CHRM3: variants seen among roughly 807,000 people sequenced by gnomAD.
The protein encoded by CHRM3 is muscarinic acetylcholine receptor M3.
A neutral mutation model predicts 41.8 loss-of-function variants in CHRM3; 11 were observed. That is an observed-to-expected ratio of 0.26 (90% CI 0.17 to 0.44). The LOEUF is 0.44. CHRM3 is among the 20% of genes least tolerant of loss of function. CHRM3 has a pLI of 1.00. For synonymous variants in CHRM3, 297 were observed against 301.4 expected (o/e 0.99, Z 0.15); for missense variants, 571 against 745.4 (o/e 0.77, Z 2.72).
intron 5 of CHRM3, among the ~76,000 whole-genome samples, chr1:239,800,462 G>A (rs968758270): frequency 6.6e-6 from 1 of 152,326 alleles, no homozygotes; most frequent in Non-Finnish European, 1.5e-5. Context: ...AATCAAAGCA[G>A]GTTAGCACCA....
At chr1:239,447,824 A>G (rs1664263767) in intron 1 of CHRM3, among the ~76,000 whole-genome samples, 2 of 152,240 alleles carry the variant, frequency 1.3e-5, no homozygotes, top group Admixed American at 1.3e-4. Flanking sequence ...GAATTTATTG[A>G]GAAGGCATCA....
chr1:239,633,321 C>T (rs1318432611), intron 4 of CHRM3, among the ~76,000 whole-genome samples: 2 of 152,108 alleles, frequency 1.3e-5, no homozygotes, highest in African/African-American at 4.8e-5. Flanking sequence ...GCGGAGGAAA[C>T]TGCCACTTTT....
intron 4 of CHRM3, among the ~76,000 whole-genome samples, chr1:239,675,285 T>C (rs1378587261): frequency 6.6e-6 from 1 of 152,226 alleles, no homozygotes; most frequent in Non-Finnish European, 1.5e-5. Context: ...TTTAAAAATC[T>C]TATCCAAGCT....
intron 5 of CHRM3, among the ~76,000 whole-genome samples, chr1:239,681,789 C>G (rs958809794): frequency 6.6e-6 from 1 of 151,986 alleles, no homozygotes; most frequent in Non-Finnish European, 1.5e-5. Flanking sequence ...GTCCTAAATA[C>G]TTGGGAGGCT....
chr1:239,393,895 G>C (rs1558187197), intron 1 of CHRM3, among the ~76,000 whole-genome samples: 1 of 152,118 alleles, frequency 6.6e-6, no homozygotes, highest in African/African-American at 2.4e-5. Flanking sequence ...AGTAGAATGA[G>C]TAAATGACTC....
At chr1:239,484,931 T>C (rs957481517) in intron 1 of CHRM3, among the ~76,000 whole-genome samples, 14 of 152,116 alleles carry the variant, frequency 9.2e-5, no homozygotes, top group African/African-American at 3.1e-4. Context: ...ACAGGAAATA[T>C]TATAAGTAAA....
intron 1 of CHRM3, among the ~76,000 whole-genome samples, chr1:239,446,990 TTTG>T (rs1284189912): frequency 1.3e-5 from 2 of 152,164 alleles, no homozygotes; most frequent in Non-Finnish European, 2.9e-5. Flanking sequence ...ATAAAAGGAT[TTTG>T]TTGTTGTTAA....
At chr1:239,675,813 T>C (rs1657946942) in intron 4 of CHRM3, among the ~76,000 whole-genome samples, 1 of 152,134 alleles carries the variant, frequency 6.6e-6, no homozygotes, top group South Asian at 2.1e-4. Flanking sequence ...TTGAGCTGTG[T>C]AGGAAATATT....
intron 6 of CHRM3, among the ~76,000 whole-genome samples, chr1:239,902,450 A>G (rs1388528971): frequency 7.9e-5 from 12 of 152,292 alleles, no homozygotes. Flanking sequence ...ACTCTGCTCT[A>G]TTGCTTTCTA....
chr1:239,622,394 A>G (rs554163313), intron 3 of CHRM3, among the ~76,000 whole-genome samples: 12 of 152,338 alleles, frequency 7.9e-5, no homozygotes, highest in African/African-American at 2.9e-4. Flanking sequence ...GGATCTGGGC[A>G]ATGTCAATTG....
intron 1 of CHRM3, among the ~76,000 whole-genome samples, chr1:239,388,591 G>T (rs6672802): frequency 0.014 from 2,149 of 152,288 alleles, 44 homozygotes; most frequent in African/African-American, 0.05. Flanking sequence ...AGTTCAGAAA[G>T]GGGAAAACTA....
At chr1:239,874,910 G>T (rs1357206699) in intron 6 of CHRM3, among the ~76,000 whole-genome samples, 1 of 151,834 alleles carries the variant, frequency 6.6e-6, no homozygotes, top group Non-Finnish European at 1.5e-5. Context: ...TTTTGGTCAG[G>T]CTGGTCTCGA....
intron 5 of CHRM3, among the ~76,000 whole-genome samples, chr1:239,777,769 G>A (rs534333922): frequency 1.1e-4 from 17 of 152,262 alleles, no homozygotes; most frequent in African/African-American, 4.1e-4. Context: ...GTTGTGAAAA[G>A]GTTTAAAACC....
At chr1:239,578,026 C>A (rs1301603908) in intron 3 of CHRM3, among the ~76,000 whole-genome samples, 1 of 152,124 alleles carries the variant, frequency 6.6e-6, no homozygotes, top group Non-Finnish European at 1.5e-5. Context: ...TTGTAATGGT[C>A]AATGCTGTAA....
At chr1:239,804,253 G>A (rs1572347590) in intron 5 of CHRM3, among the ~76,000 whole-genome samples, 1 of 152,152 alleles carries the variant, frequency 6.6e-6, no homozygotes, top group East Asian at 1.9e-4. Flanking sequence ...TAAAACGCAG[G>A]AGTGAAGAAT....
intron 6 of CHRM3, among the ~76,000 whole-genome samples, chr1:239,880,418 C>T (rs1469629273): frequency 6.6e-6 from 1 of 152,182 alleles, no homozygotes; most frequent in Non-Finnish European, 1.5e-5. Flanking sequence ...AACCTATAAT[C>T]AGAGATATTA....
At chr1:239,526,587 C>G (rs1670009989) in intron 2 of CHRM3, among the ~76,000 whole-genome samples, 1 of 152,146 alleles carries the variant, frequency 6.6e-6, no homozygotes, top group Admixed American at 6.5e-5. Flanking sequence ...AGCAAGCACA[C>G]TGCTGCTGTG....
rs538972813 is a variant in CHRM3, at chr1:239,479,531, T to A, written c.-520-13178T>A. On this transcript the variant is annotated intron_variant, in intron 1 of 6. Coordinates refer to ENST00000676153, the MANE Select transcript of CHRM3 (RefSeq NM_001375978.1). ...ATTTTTCTCAACAGTGGCGATAAGTTCTGAGAAATGTGTTCTTAGGCGATT... is the reference window on the plus strand; with the variant it reads ...ATTTTTCTCAACAGTGGCGATAAGTACTGAGAAATGTGTTCTTAGGCGATT... Among the ~76,000 whole-genome samples, 3 of 152,304 alleles carry A rather than the reference T, an allele frequency of 2.0e-5. No individual in the cohort carries two copies. In the East Asian group the frequency reaches 5.8e-4, roughly 29 times the overall value.
chr1:239,511,589 A>G (rs1346928651), intron 2 of CHRM3, among the ~76,000 whole-genome samples: 1 of 152,196 alleles, frequency 6.6e-6, no homozygotes, highest in Non-Finnish European at 1.5e-5. Context: ...TTCAACTATG[A>G]GGAATTTAAA....
Sources: allele counts gnomAD v4.1 joint callset (sites outside exome capture counted in the v4.1 genomes callset), GRCh38; gene constraint gnomAD v4.1.1; transcripts MANE v1.5; gene names NCBI Gene and HGNC (gene_info 2026-07-23, HGNC 2026-07-21).